The following PDSS2 variants were observed in gnomAD, a reference collection of about 807,000 sequenced individuals.
PDSS2 encodes decaprenyl diphosphate synthase subunit 2.
A neutral mutation model predicts 44.5 loss-of-function variants in PDSS2; 31 were observed. That is an observed-to-expected ratio of 0.70 (90% CI 0.52 to 0.94). The LOEUF (loss-of-function observed/expected upper bound fraction) is 0.94, where lower values mean the gene tolerates loss of function less well. PDSS2 is among the 40% of genes least tolerant of loss of function. PDSS2 has a pLI of 0.00. For synonymous variants in PDSS2, 157 were observed against 180.3 expected, an observed-to-expected ratio of 0.87 and a Z score of 1.03; for missense variants, 452 against 482.2, an observed-to-expected ratio of 0.94 and a Z score of 0.59.
chr6:107,173,714 T>C (rs954672947), intron 7 of PDSS2, among the ~76,000 whole-genome samples: 19 of 151,968 alleles, frequency 1.3e-4, no homozygotes, highest in African/African-American at 4.6e-4. Context: ...AAATGCATAT[T>C]AAATTTTAAT....
At chr6:107,209,975 T>TCCC (rs890651477) in intron 6 of PDSS2, among the ~76,000 whole-genome samples, 80 of 151,850 alleles carry the variant, frequency 5.3e-4, no homozygotes, top group African/African-American at 1.7e-3. Context: ...CATGCTTTTT[T>TCCC]CCCCCCCGCT....
At chr6:107,372,983 CTT>C (rs11330558) in intron 1 of PDSS2, among the ~76,000 whole-genome samples, 23,082 of 135,956 alleles carry the variant, frequency 0.17, 1,878 homozygotes, top group East Asian at 0.26. Context: ...GTCTAATAAT[CTT>C]TTTTTTTTTT....
intron 1 of PDSS2, among the ~76,000 whole-genome samples, chr6:107,381,601 A>C (rs1308778071): frequency 1.3e-5 from 2 of 152,246 alleles, no homozygotes; most frequent in African/African-American, 4.8e-5. Flanking sequence ...GTCAAAAACC[A>C]AGTAGACTCC....
rs554395215 is a variant in PDSS2 at position 107,287,493 on chromosome 6, C to G, written c.432-13266G>C. The stretch of plus-strand genomic sequence containing the variant: ...TACTGAAACAGCATAATTTTATATA[C>G]CCACATAAACATTTTTTTAATTAAA... On this transcript the variant is annotated intron_variant, in intron 2 of 7. Coordinates refer to ENST00000369037, the MANE Select transcript of PDSS2 (RefSeq NM_020381.4). Among the ~76,000 whole-genome samples, 4 of 151,828 alleles carry G rather than the reference C, an allele frequency of 2.6e-5. No individual in the cohort carries two copies. The East Asian group carries it at 7.7e-4, about 29-fold the overall frequency.
chr6:107,180,352 A>G (rs1771929268), intron 7 of PDSS2, among the ~76,000 whole-genome samples: 1 of 152,136 alleles, frequency 6.6e-6, no homozygotes, highest in Non-Finnish European at 1.5e-5. Flanking sequence ...TCAAAAGATT[A>G]CCCCAATTGA....
In PDSS2 at chr6:107,385,937, A is replaced by T. The variant is rs548242572; in HGVS notation, c.297-51605T>A. Among the ~76,000 whole-genome samples, 16 of 152,268 alleles carry T rather than the reference A, an allele frequency of 1.1e-4. No individual in the cohort carries two copies. In the South Asian group the frequency reaches 1.7e-3, roughly 16 times the overall value. On this transcript the variant is annotated intron_variant, in intron 1 of 7. Coordinates refer to ENST00000369037, the MANE Select transcript of PDSS2 (RefSeq NM_020381.4). Reference sequence around the variant, plus strand: ...AATACAGTAACATGTCTATAGAAAAATCATATGTAGGATGTAAAGCTCTTA... The same window carrying T: ...AATACAGTAACATGTCTATAGAAAATTCATATGTAGGATGTAAAGCTCTTA...
At chr6:107,234,496 C>A (rs576696072) in intron 4 of PDSS2, among the ~76,000 whole-genome samples, 1 of 151,694 alleles carries the variant, frequency 6.6e-6, no homozygotes, top group African/African-American at 2.4e-5. Context: ...TAAGCCACCA[C>A]GCCTGGCTCT....
rs35910650 is a variant in PDSS2 at position 107,383,298 on chromosome 6, C to CAA, written c.297-48968_297-48967dup. Among the ~76,000 whole-genome samples the CAA allele has an allele frequency of 2.0e-3, 58 of 28,438 alleles. 2 individuals carry two copies. The highest frequency in any genetic ancestry group is 3.1e-3 in the African/African-American group (27 of 8,802). The allele number at this position is 28,438 out of a possible 152,430, so 18.7% of individuals were successfully genotyped here. A position where few individuals can be genotyped will look rare whatever the true frequency, so the allele number is the denominator to read the frequency against. ...TGGGTGACAGAGTGAGACTCCATCT[C>CAA]AAAAAAAAAAAAAAAAAAAAAAAAA... On this transcript the variant is annotated intron_variant, in intron 1 of 7. Coordinates refer to ENST00000369037, the MANE Select transcript of PDSS2 (RefSeq NM_020381.4).
At chr6:107,448,299 T>C (rs139176549) in intron 1 of PDSS2, among the ~76,000 whole-genome samples, 12 of 152,316 alleles carry the variant, frequency 7.9e-5, no homozygotes, top group Non-Finnish European at 1.8e-4. Flanking sequence ...TCTATTACAA[T>C]GTCAGGGTTG....
At chr6:107,159,655 C>A (rs188379570) in intron 7 of PDSS2, among the ~76,000 whole-genome samples, 1 of 151,090 alleles carries the variant, frequency 6.6e-6, no homozygotes, top group Non-Finnish European at 1.5e-5. Context: ...CCTGACCTTG[C>A]GATCCACCCA....
chr6:107,342,462 G>A (rs1778110996), intron 1 of PDSS2, among the ~76,000 whole-genome samples: 1 of 152,124 alleles, frequency 6.6e-6, no homozygotes, highest in Non-Finnish European at 1.5e-5. Flanking sequence ...GCTGAGATTT[G>A]TTATTTTGAC....
intron 1 of PDSS2, among the ~76,000 whole-genome samples, chr6:107,334,704 C>T (rs1777825079): frequency 7.3e-6 from 1 of 137,210 alleles, no homozygotes; most frequent in African/African-American, 2.8e-5. Context: ...CGATGCTCAG[C>T]TAATTAAAAA....
chr6:107,392,300 T>G (rs1779808445), intron 1 of PDSS2, among the ~76,000 whole-genome samples: 1 of 152,214 alleles, frequency 6.6e-6, no homozygotes, highest in African/African-American at 2.4e-5. Flanking sequence ...GAAGTAGATT[T>G]CAATTGGCTG....
At chr6:107,373,435 A>G (rs1339481526) in intron 1 of PDSS2, among the ~76,000 whole-genome samples, 1 of 152,346 alleles carries the variant, frequency 6.6e-6, no homozygotes, top group African/African-American at 2.4e-5. Context: ...TTATACTATT[A>G]TGATTAATAT....
intron 1 of PDSS2, among the ~76,000 whole-genome samples, chr6:107,377,627 GA>G (rs1779325891): frequency 6.6e-6 from 1 of 152,062 alleles, no homozygotes; most frequent in Non-Finnish European, 1.5e-5. Context: ...CAAAGACTTG[GA>G]ACCAACCCAA....
intron 3 of PDSS2, among the ~76,000 whole-genome samples, chr6:107,247,839 T>TA (rs10648723): frequency 0.58 from 50,710 of 88,034 alleles, 15,338 homozygotes; most frequent in Middle Eastern, 0.75. Context: ...CTGTCTCTAC[T>TA]AAAAAAAAAA....
chr6:107,430,134 C>T (rs991198728), intron 1 of PDSS2, among the ~76,000 whole-genome samples: 1 of 151,850 alleles, frequency 6.6e-6, no homozygotes, highest in Admixed American at 6.6e-5. Flanking sequence ...ATAACTCACA[C>T]ATCCACTGTA....
chr6:107,268,745 T>C (rs1775491851), intron 3 of PDSS2, among the ~76,000 whole-genome samples: 1 of 152,150 alleles, frequency 6.6e-6, no homozygotes, highest in Non-Finnish European at 1.5e-5. Context: ...TAGTTTGAAA[T>C]TACTGATACT....
chr6:107,282,191 C>T (rs1047272409), intron 2 of PDSS2, among the ~76,000 whole-genome samples: 4 of 152,168 alleles, frequency 2.6e-5, no homozygotes, highest in Non-Finnish European at 4.4e-5. Flanking sequence ...GAGGTGTGAG[C>T]CACTGCACCC....
Sources: allele counts gnomAD v4.1 joint callset (sites outside exome capture counted in the v4.1 genomes callset), GRCh38; gene constraint gnomAD v4.1.1; transcripts MANE v1.5; gene names NCBI Gene and HGNC (gene_info 2026-07-23, HGNC 2026-07-21).